Variants in INPP4B observed in about 807,000 individuals in gnomAD.
INPP4B encodes the protein inositol polyphosphate-4-phosphatase type II B.
INPP4B carries 55 observed loss-of-function variants against 122.5 expected under a neutral mutation model. That is an observed-to-expected ratio of 0.45 (90% confidence interval 0.36 to 0.56). INPP4B has a LOEUF of 0.56. INPP4B is among the 20% of genes least tolerant of loss of function. INPP4B has a pLI of 0.00. For synonymous variants in INPP4B, 403 were observed against 388.7 expected (o/e 1.04, Z -0.43); for missense variants, 1,000 against 1,097.7 (o/e 0.91, Z 1.26).
Position 142,160,399 on chromosome 4 carries a change from C to G in INPP4B, c.1522G>C (p.Asp508His). 1 of 1,598,004 alleles carries G rather than the reference C, an allele frequency of 6.3e-7. No homozygotes were observed. Among genetic ancestry groups the G allele is most frequent in the Non-Finnish European group, 8.6e-7 (1 of 1,168,158 alleles). Residue 508 changes from aspartate (D) to histidine (H), a missense_variant, in exon 17 of 26, where the codon GAC (aspartate) becomes CAC (histidine). Coordinates refer to ENST00000262992, the MANE Select transcript of INPP4B (RefSeq NM_001101669.3). ...QDQPPVMRGQ[D>H]SIPHHSDYDE... ...TAGTCTGAATGATGTGGTATGGAGT[C>G]CTGCCCTCTCATCACTGGGGGTTGG... is the stretch of plus-strand genomic sequence containing the variant.
intron 21 of INPP4B, among the ~76,000 whole-genome samples, chr4:142,121,356 A>C (rs1796475641): frequency 6.6e-6 from 1 of 152,106 alleles, no homozygotes. Context: ...CTTTATACTC[A>C]GTGTGTTTTG....
chr4:142,151,716 C>T (rs892048803), intron 17 of INPP4B, among the ~76,000 whole-genome samples: 1 of 152,162 alleles, frequency 6.6e-6, no homozygotes, highest in African/African-American at 2.4e-5. Context: ...TTCTCTCAGC[C>T]TGGAGGCACA....
At chr4:142,683,367 C>A (rs1456748777) in intron 2 of INPP4B, among the ~76,000 whole-genome samples, 1 of 151,786 alleles carries the variant, frequency 6.6e-6, no homozygotes. Context: ...TGGGAGGTCA[C>A]TGGTGTACAA....
rs1053217250 is a variant in INPP4B, at chr4:142,123,184, T to G, written c.2017+108A>C. Reference sequence around the variant, plus strand: ...GAAAGTTATATTATTTTTGTAATACTTGGCACAATAAAGGTTTACTTATTT... The same window carrying G: ...GAAAGTTATATTATTTTTGTAATACGTGGCACAATAAAGGTTTACTTATTT... On this transcript the variant is annotated intron_variant, in intron 20 of 25. Transcript: ENST00000262992. The G allele has an allele frequency of 1.2e-5, 11 of 898,294 alleles. No homozygotes were observed. In the African/African-American group the frequency reaches 1.9e-4, roughly 15 times the overall value. 55.6% of individuals were successfully genotyped at this position (898,294 alleles called of 1,614,324 possible).
At chr4:142,395,025 CATT>C (rs1798919908) in intron 7 of INPP4B, among the ~76,000 whole-genome samples, 1 of 152,194 alleles carries the variant, frequency 6.6e-6, no homozygotes, top group African/African-American at 2.4e-5. Context: ...ATGCAAACAT[CATT>C]ATTTCCTTGT....
Position 142,028,720 on chromosome 4 carries a change from C to T in INPP4B, c.*62G>A. The T allele has an allele frequency of 6.6e-7, 1 of 1,513,180 alleles. No individual in the cohort carries two copies. Among genetic ancestry groups the T allele is most frequent in the Non-Finnish European group, 8.9e-7 (1 of 1,120,814 alleles). The allele number at this position is 1,513,180 out of a possible 1,614,324, so 93.7% of individuals were successfully genotyped here. A position where few individuals can be genotyped will look rare whatever the true frequency, so the allele number is the denominator to read the frequency against. The stretch of plus-strand genomic sequence containing the variant: ...GACAATAAAAACAAACAAAAAAGAC[C>T]AAGGTGAAGATTATCCAACTGAAAT... On this transcript the variant is annotated 3_prime_UTR_variant, in exon 26 of 26. Coordinates refer to ENST00000262992, the MANE Select transcript of INPP4B (RefSeq NM_001101669.3).
intron 2 of INPP4B, among the ~76,000 whole-genome samples, chr4:142,645,641 G>A (rs948201514): frequency 2.2e-4 from 33 of 152,172 alleles, no homozygotes; most frequent in African/African-American, 4.8e-4. Context: ...GGCAGAAGCC[G>A]GATGTTAAGG....
intron 1 of INPP4B, among the ~76,000 whole-genome samples, chr4:142,742,518 A>G (rs1169619722): frequency 6.6e-6 from 1 of 152,048 alleles, no homozygotes; most frequent in East Asian, 1.9e-4. Context: ...TTTCAAAGCA[A>G]TGACGGATGT....
chr4:142,054,684 A>G lies in INPP4B; in HGVS notation c.2643-25770T>C, dbSNP rs116190021. On this transcript the variant is annotated intron_variant, in intron 25 of 25. Transcript: ENST00000262992. The stretch of plus-strand genomic sequence containing the variant: ...TTTAATATTTTCTGATCAATTGCTA[A>G]GACCAGTGCTATGCTTATAGGAGAC... Among the ~76,000 whole-genome samples, 641 of 152,114 alleles carry G rather than the reference A, an allele frequency of 4.2e-3. 1 individual carries two copies. The highest frequency in any genetic ancestry group is 7.1e-3 in the Non-Finnish European group (485 of 67,966).
chr4:142,034,642 C>G (rs336349), intron 25 of INPP4B, among the ~76,000 whole-genome samples: 136,934 of 151,952 alleles, frequency 0.9, 62,243 homozygotes, highest in Non-Finnish European at 0.97. Context: ...TACCTTCATA[C>G]ACATCAAGAG....
rs1250959102 is a variant in INPP4B at position 142,584,886 on chromosome 4, C to A, written c.-190-122160G>T. ...TATGAGAGACTTAGCTACTCTCCCA[C>A]GTTTATTTATTCAGTCATTTACTCA... On this transcript the variant is annotated intron_variant, in intron 2 of 25. Transcript: ENST00000262992. Among the ~76,000 whole-genome samples the A allele has an allele frequency of 4.6e-5, 7 of 152,112 alleles. No individual in the cohort carries two copies. In the East Asian group the frequency reaches 1.2e-3, roughly 25 times the overall value.
intron 1 of INPP4B, among the ~76,000 whole-genome samples, chr4:142,745,069 G>A (rs1768505814): frequency 6.6e-6 from 1 of 151,796 alleles, no homozygotes; most frequent in South Asian, 2.1e-4. Context: ...TTTGGAGCTG[G>A]AACTGTGAAG....
intron 15 of INPP4B, among the ~76,000 whole-genome samples, chr4:142,187,591 A>T (rs1023689993): frequency 2.1e-4 from 32 of 152,142 alleles, no homozygotes; most frequent in African/African-American, 7.0e-4. Context: ...ACACACACAC[A>T]GACACACATT....
chr4:142,734,272 T>A (rs187326681), intron 1 of INPP4B, among the ~76,000 whole-genome samples: 67 of 152,340 alleles, frequency 4.4e-4, no homozygotes, highest in East Asian at 4.0e-3. Flanking sequence ...TTAATCCTGC[T>A]GGCACCTTAA....
intron 2 of INPP4B, among the ~76,000 whole-genome samples, chr4:142,685,940 A>G (rs76869555): frequency 0.025 from 3,847 of 152,218 alleles, 60 homozygotes; most frequent in Middle Eastern, 0.092. Context: ...TTTGATTTAG[A>G]AAACTAGAGT....
intron 25 of INPP4B, among the ~76,000 whole-genome samples, chr4:142,045,743 C>T (rs1750996441): frequency 6.6e-6 from 1 of 152,040 alleles, no homozygotes; most frequent in African/African-American, 2.4e-5. Context: ...TACAGAATTT[C>T]TAATTTACTT....
intron 2 of INPP4B, among the ~76,000 whole-genome samples, chr4:142,574,833 C>T (rs1733515189): frequency 6.6e-6 from 1 of 152,066 alleles, no homozygotes; most frequent in African/African-American, 2.4e-5. Flanking sequence ...AGCTGCACAG[C>T]TCCCTAAAGG....
At chr4:142,064,685 G>T (rs1388252905) in intron 25 of INPP4B, among the ~76,000 whole-genome samples, 1 of 151,246 alleles carries the variant, frequency 6.6e-6, no homozygotes, top group Non-Finnish European at 1.5e-5. Flanking sequence ...TCTCACTTTT[G>T]TTCTAGTCTA....
At chr4:142,305,422 A>T in intron 9 of INPP4B, 36 bp downstream of exon 9, 1 of 1,474,430 alleles carries the variant, frequency 6.8e-7, no homozygotes, top group Non-Finnish European at 9.4e-7. Flanking sequence ...ACTTGTTATT[A>T]ACTTTAACAG....
Sources: allele counts gnomAD v4.1 joint callset (sites outside exome capture counted in the v4.1 genomes callset), GRCh38; gene constraint gnomAD v4.1.1; transcripts MANE v1.5; gene names NCBI Gene and HGNC (gene_info 2026-07-23, HGNC 2026-07-21).